The following SLC10A7 variants were observed in gnomAD, a reference collection of about 807,000 sequenced individuals.
The protein encoded by SLC10A7 is sodium/bile acid cotransporter 7.
SLC10A7 carries 29 observed loss-of-function variants against 43.2 expected under a neutral mutation model. The observed-to-expected ratio is 0.67, with a 90% CI of 0.50 to 0.92. SLC10A7 has a LOEUF of 0.92. SLC10A7 is among the 40% of genes least tolerant of loss of function. The probability of loss-of-function intolerance (pLI) is 0.00; values close to 1 mark genes in which losing one functional copy is unlikely to be tolerated. For synonymous variants in SLC10A7, 152 were observed against 144.8 expected, an observed-to-expected ratio of 1.05 and a Z score of -0.35; for missense variants, 295 against 403.2, an observed-to-expected ratio of 0.73 and a Z score of 2.30.
intron 5 of SLC10A7, among the ~76,000 whole-genome samples, chr4:146,385,460 T>G (rs1737924419): frequency 6.6e-6 from 1 of 152,208 alleles, no homozygotes; most frequent in Admixed American, 6.5e-5. Flanking sequence ...CTCATCTTTT[T>G]GATTCTCCTG....
chr4:146,342,382 GA>G (rs906825685), intron 5 of SLC10A7, among the ~76,000 whole-genome samples: 4 of 151,520 alleles, frequency 2.6e-5, no homozygotes, highest in African/African-American at 9.7e-5. Flanking sequence ...TGACCTCCAA[GA>G]GGAAGCCTAA....
intron 10 of SLC10A7, among the ~76,000 whole-genome samples, chr4:146,275,893 G>T (rs11736109): frequency 0.033 from 4,968 of 151,798 alleles, 115 homozygotes; most frequent in Non-Finnish European, 0.054. Flanking sequence ...TGCTCTCAGA[G>T]CACCTTGCAT....
intron 4 of SLC10A7, among the ~76,000 whole-genome samples, chr4:146,479,011 T>C (rs967934517): frequency 1.3e-5 from 2 of 152,194 alleles, no homozygotes; most frequent in Non-Finnish European, 2.9e-5. Context: ...CCATTTGTTA[T>C]ACAAATAGAA....
chr4:146,326,920 A>AG (rs200309497), intron 5 of SLC10A7, among the ~76,000 whole-genome samples: 1 of 3,294 alleles, frequency 3.0e-4, no homozygotes, highest in Admixed American at 5.7e-3. Flanking sequence ...AGGGACAGAC[A>AG]CACACACACA....
chr4:146,290,721 T>C lies in SLC10A7; in HGVS notation c.773+2208A>G, dbSNP rs114728906. Among the ~76,000 whole-genome samples, 345 of 152,182 alleles carry C rather than the reference T, an allele frequency of 2.3e-3. 2 individuals carry two copies. Among genetic ancestry groups the C allele is most frequent in the Non-Finnish European group, 3.5e-3 (237 of 67,998 alleles). The stretch of plus-strand genomic sequence containing the variant: ...CAAAAAATTACAAGTTAGCCGGGCA[T>C]GGTGGTGTTTGCATGTAGTCTCAGC... On this transcript the variant is annotated intron_variant, in intron 9 of 11. Coordinates refer to ENST00000335472, the MANE Select transcript of SLC10A7 (RefSeq NM_001029998.6).
chr4:146,332,086 G>A (rs1218371587), intron 5 of SLC10A7, among the ~76,000 whole-genome samples: 2 of 152,180 alleles, frequency 1.3e-5, no homozygotes, highest in Non-Finnish European at 2.9e-5. Context: ...GGATTGGTGA[G>A]CAAGGGCCTC....
At chr4:146,281,768 G>A (rs1322900622) in intron 10 of SLC10A7, among the ~76,000 whole-genome samples, 2 of 152,102 alleles carry the variant, frequency 1.3e-5, no homozygotes, top group African/African-American at 2.4e-5. Flanking sequence ...CTTGGGAGTG[G>A]TAACATAGTT....
At chr4:146,288,701 TCTCA>T (rs1386184505) in intron 9 of SLC10A7, among the ~76,000 whole-genome samples, 1 of 152,198 alleles carries the variant, frequency 6.6e-6, no homozygotes, top group Non-Finnish European at 1.5e-5. Context: ...CTAAAATTAT[TCTCA>T]CTGATTAACA....
At chr4:146,511,453 A>C (rs1343129767) in intron 2 of SLC10A7, among the ~76,000 whole-genome samples, 1 of 152,230 alleles carries the variant, frequency 6.6e-6, no homozygotes, top group Non-Finnish European at 1.5e-5. Flanking sequence ...TGTTCAGGTA[A>C]GATGTTCAAG....
chr4:146,510,130 T>C, intron 2 of SLC10A7, 81 bp from the exon 3 acceptor site: 17 of 1,355,828 alleles, frequency 1.3e-5, no homozygotes, highest in Non-Finnish European at 1.7e-5. Context: ...TAACATCACA[T>C]GAGTTAGTTC....
At chr4:146,430,541 T>TA (rs905990028) in intron 5 of SLC10A7, among the ~76,000 whole-genome samples, 4 of 151,924 alleles carry the variant, frequency 2.6e-5, no homozygotes, top group African/African-American at 7.3e-5. Flanking sequence ...GGCTGAATAA[T>TA]AAAAAAACCA....
At chr4:146,363,178 C>T (rs1384858555) in intron 5 of SLC10A7, among the ~76,000 whole-genome samples, 3 of 152,006 alleles carry the variant, frequency 2.0e-5, no homozygotes, top group Admixed American at 1.3e-4. Context: ...AAAAGATATT[C>T]TATGCAAATG....
intron 5 of SLC10A7, among the ~76,000 whole-genome samples, chr4:146,412,347 T>C (rs1728256249): frequency 6.6e-6 from 1 of 152,148 alleles, no homozygotes; most frequent in Non-Finnish European, 1.5e-5. Flanking sequence ...ATAGCAGAAA[T>C]AACAACATCT....
At chr4:146,377,220 CT>C (rs1737267538) in intron 5 of SLC10A7, among the ~76,000 whole-genome samples, 1 of 152,028 alleles carries the variant, frequency 6.6e-6, no homozygotes, top group Non-Finnish European at 1.5e-5. Flanking sequence ...GAAGAGGAAC[CT>C]TTACTTTACT....
chr4:146,290,323 CAAAAAAGA>C (rs1230939955), intron 9 of SLC10A7, among the ~76,000 whole-genome samples: 927 of 42,526 alleles, frequency 0.022, 13 homozygotes, highest in African/African-American at 0.1. Context: ...GACTCCATCT[CAAAAAAGA>C]AAAAAAAAAA....
chr4:146,479,028 C>G (rs1734250824), intron 4 of SLC10A7, among the ~76,000 whole-genome samples: 1 of 151,930 alleles, frequency 6.6e-6, no homozygotes, highest in Non-Finnish European at 1.5e-5. Context: ...AGAATATAAG[C>G]CAAGTGGAAA....
At chr4:146,362,594 G>A (rs1736123006) in intron 5 of SLC10A7, among the ~76,000 whole-genome samples, 1 of 151,940 alleles carries the variant, frequency 6.6e-6, no homozygotes, top group Non-Finnish European at 1.5e-5. Flanking sequence ...CATATCTTCA[G>A]TAGAATGAAT....
chr4:146,305,834 C>G, intron 7 of SLC10A7, 92 bp downstream of exon 7: 1 of 1,095,224 alleles, frequency 9.1e-7, no homozygotes, highest in South Asian at 1.7e-5. Context: ...TCTCCTCCCT[C>G]TGAATATCCT....
intron 5 of SLC10A7, among the ~76,000 whole-genome samples, chr4:146,433,309 A>T (rs896072506): frequency 2.6e-4 from 40 of 151,220 alleles, no homozygotes; most frequent in Non-Finnish European, 5.3e-4. Flanking sequence ...TTACAGGCAC[A>T]TGCTACCATG....
Sources: gnomAD v4.1 joint callset for allele counts (sites outside exome capture counted in the v4.1 genomes callset) on GRCh38, gnomAD v4.1.1 for gene constraint, MANE v1.5 for transcripts, NCBI Gene and HGNC (gene_info 2026-07-23, HGNC 2026-07-21) for gene names.